The following KIAA1210 variants were observed in gnomAD, a reference collection of about 807,000 sequenced individuals.
KIAA1210 encodes the protein KIAA1210, also known as acrosomal protein KIAA1210.
In KIAA1210, 48 loss-of-function variants were observed where a neutral mutation model predicts 78.9. The observed-to-expected ratio is 0.61, with a 90% CI of 0.48 to 0.77. The LOEUF is 0.77. Among genes scored for constraint, KIAA1210 ranks in the 30% least tolerant of loss-of-function variants. The pLI, the probability that KIAA1210 is intolerant of heterozygous loss-of-function variation, is 0.00. For synonymous variants in KIAA1210, 406 were observed against 404.5 expected (o/e 1.00, Z -0.04); for missense variants, 1,108 against 1,100.0 (o/e 1.01, Z -0.10).
intron 3 of KIAA1210, among the ~76,000 whole-genome samples, chrX:119,113,540 T>G (rs73592491): frequency 0.045 from 5,018 of 110,984 alleles, 300 homozygotes; most frequent in African/African-American, 0.16. Context: ...TGAAAGAGGA[T>G]AGGGGAATGG....
rs777223502 is a variant in KIAA1210 at position 119,135,992 on chromosome X, G to A, written c.410+11481C>T. On this transcript the variant is annotated intron_variant, in intron 2 of 13. Coordinates refer to the KIAA1210 transcript ENST00000402510. The stretch of plus-strand genomic sequence containing the variant: ...AGCTTGAACCTGGGAGGCAGAGGTT[G>A]CAATGAGCCGAGATTGCGCCACTGC... 9.9e-5 allele frequency among the ~76,000 whole-genome samples: 11 copies of A among 110,955 alleles called. No individual in the cohort carries two copies. The South Asian group carries it at 2.4e-3, about 24-fold the overall frequency.
intron 2 of KIAA1210, among the ~76,000 whole-genome samples, chrX:119,133,619 C>T (rs961997957): frequency 9.1e-6 from 1 of 110,178 alleles, no homozygotes; most frequent in Admixed American, 9.7e-5. Context: ...AGCACCCTCA[C>T]GGGAACCTGG....
chrX:119,124,182 G>A (rs1248601597), intron 1 of KIAA1210, among the ~76,000 whole-genome samples: 4 of 111,387 alleles, frequency 3.6e-5, no homozygotes, highest in Admixed American at 2.9e-4. Flanking sequence ...TTTTTAGTAC[G>A]GACAGGGTCT....
rs5903546 is a variant in KIAA1210 at position 119,125,735 on chromosome X, A to ATATATATATATT, written c.-11+1991_-11+1992insAATATATATATA. Among the ~76,000 whole-genome samples, 21 of 15,790 alleles carry ATATATATATATT rather than the reference A, an allele frequency of 1.3e-3. 1 individual carries two copies. Among genetic ancestry groups the ATATATATATATT allele is most frequent in the African/African-American group, 4.7e-3 (18 of 3,841 alleles). 13.7% of individuals were successfully genotyped at this position (15,790 alleles called of 115,157 possible). ...AATACATATATATATATATATATAT[A>ATATATATATATT]TTTTTTTTTTTTTTTTTTTGGAGAG... On this transcript the variant is annotated intron_variant, in intron 1 of 11. Coordinates refer to ENST00000691062, the MANE Select transcript of KIAA1210 (RefSeq NM_001394962.1).
intron 7 of KIAA1210, among the ~76,000 whole-genome samples, chrX:119,095,519 G>C (rs1351461770): frequency 1.8e-5 from 2 of 111,273 alleles, no homozygotes; most frequent in African/African-American, 6.6e-5. Context: ...CTCCAGAGTA[G>C]CTGGGATTAC....
intron 5 of KIAA1210, among the ~76,000 whole-genome samples, chrX:119,105,871 T>A (rs1170264427): frequency 8.9e-6 from 1 of 111,940 alleles, no homozygotes; most frequent in Non-Finnish European, 1.9e-5. Context: ...GTCCTCTTGA[T>A]GTGGGTCAGA....
rs764345926 is a variant in KIAA1210, at chrX:119,085,966, G to A, written c.4157-420C>T. On this transcript the variant is annotated intron_variant, in intron 9 of 11. Coordinates refer to ENST00000691062, the MANE Select transcript of KIAA1210 (RefSeq NM_001394962.1). ...TTCATAGTCCCTCACACAAGTGTGT[G>A]GTTACATAAGTGTGGTTACAGGAAT... Among the ~76,000 whole-genome samples the A allele has an allele frequency of 3.5e-5, 4 of 113,034 alleles. No individual in the cohort carries two copies. In the South Asian group the frequency reaches 1.5e-3, roughly 41 times the overall value.
In KIAA1210 at chrX:119,092,800, TAA is replaced by T. The variant is rs747788864; in HGVS notation, c.955+865_955+866del. Among the ~76,000 whole-genome samples the T allele has an allele frequency of 1.4e-4, 15 of 107,271 alleles. 1 individual carries two copies. The highest frequency in any genetic ancestry group is 4.8e-4 in the African/African-American group (14 of 29,241). The allele number at this position is 107,271 out of a possible 115,157, so 93.2% of individuals were successfully genotyped here. On this transcript the variant is annotated intron_variant, in intron 8 of 11. Transcript: ENST00000691062. ...ATAAATAAATAAATAAATAAATAAA[TAA>T]AAATAAAGCTCAAAAAGACAAAAGA...
chrX:119,089,818 C>G (rs1927312895), intron 8 of KIAA1210, 72 bp from the exon 9 acceptor site: 1 of 985,922 alleles, frequency 1.0e-6, no homozygotes, highest in South Asian at 2.4e-5. Context: ...ATACTGTGCC[C>G]TGGCCCAGTG....
Position 119,150,361 on chromosome X carries a change from G to A in KIAA1210, c.219C>T (p.Asp73=), listed in dbSNP as rs1317297248. 5.8e-6 allele frequency: 7 copies of A among 1,207,747 alleles called. No homozygotes were observed. In the African/African-American group the frequency reaches 1.2e-4, roughly 21 times the overall value. The change falls in exon 1 of 14, where the codon GAC becomes GAT. Residue 73 remains aspartate, a synonymous_variant. Transcript: ENST00000402510. ...CCCGGGAATAACTAGGTATTTCCAG[G>A]TCAGTCACTGCAGCTGGGCCAAGCT...
chrX:119,135,791 C>T (rs1056863729), intron 2 of KIAA1210, among the ~76,000 whole-genome samples: 6 of 112,047 alleles, frequency 5.4e-5, no homozygotes, highest in Non-Finnish European at 7.5e-5. Context: ...CAGTGGCTCA[C>T]GCCTGTAATC....
intron 7 of KIAA1210, among the ~76,000 whole-genome samples, chrX:119,094,979 A>T (rs1488109098): frequency 9.0e-6 from 1 of 111,728 alleles, no homozygotes; most frequent in Admixed American, 9.5e-5. Context: ...CCCTTCTTTG[A>T]CACCAAACTA....
chrX:119,147,736 C>A (rs1008919291), intron 1 of KIAA1210: 1 of 607,887 alleles, frequency 1.6e-6, no homozygotes, highest in African/African-American at 2.2e-5. Context: ...AGGCCAGAGG[C>A]CTGGAGAAGA....
At position 119,078,971 on chromosome X, in the gene KIAA1210, C is replaced by T. The variant is rs1268904946; in HGVS notation, c.*2358G>A. The T allele has an allele frequency of 8.9e-6, 1 of 112,423 alleles. No homozygotes were observed. Among genetic ancestry groups the T allele is most frequent in the Non-Finnish European group, 1.9e-5 (1 of 53,307 alleles). The allele number at this position is 112,423 out of a possible 1,213,427, so 9.3% of individuals were successfully genotyped here. ...AGGGAAGGGAGGTGTAACAGCTAAT[C>T]TACCAGGAGTACCCAGATAAAGGGC... On this transcript the variant is annotated 3_prime_UTR_variant, in exon 12 of 12. Transcript: ENST00000691062.
At chrX:119,092,234 T>C (rs1450502175) in intron 8 of KIAA1210, among the ~76,000 whole-genome samples, 2 of 111,774 alleles carry the variant, frequency 1.8e-5, no homozygotes, top group Non-Finnish European at 3.8e-5. Flanking sequence ...TTTCTTCTAG[T>C]TCTAAGGAAC....
At chrX:119,092,629 C>T (rs746460511) in intron 8 of KIAA1210, among the ~76,000 whole-genome samples, 6 of 109,752 alleles carry the variant, frequency 5.5e-5, no homozygotes, top group South Asian at 3.9e-4. Context: ...AGCGTGGCGG[C>T]GGGCGCCTGT....
intron 6 of KIAA1210, among the ~76,000 whole-genome samples, chrX:119,100,168 C>T (rs1234367033): frequency 9.2e-6 from 1 of 108,171 alleles, no homozygotes; most frequent in African/African-American, 3.4e-5. Flanking sequence ...TAAAAACACA[C>T]ACACAAAAAA....
At chrX:119,097,452 A>C (rs1162319847) in intron 6 of KIAA1210, among the ~76,000 whole-genome samples, 1 of 111,625 alleles carries the variant, frequency 9.0e-6, no homozygotes, top group East Asian at 2.8e-4. Context: ...TTCCATTTCT[A>C]AGAAGATTTC....
intron 2 of KIAA1210, among the ~76,000 whole-genome samples, chrX:119,116,919 T>G (rs1187428043): frequency 1.8e-5 from 2 of 112,290 alleles, no homozygotes; most frequent in African/African-American, 3.2e-5. Context: ...TCTGGGCAGC[T>G]GCTATTCAGG....
Sources: allele counts gnomAD v4.1 joint callset (sites outside exome capture counted in the v4.1 genomes callset), GRCh38; gene constraint gnomAD v4.1.1; transcripts MANE v1.5; gene names NCBI Gene and HGNC (gene_info 2026-07-23, HGNC 2026-07-21).